Variants in SORCS2 observed in about 807,000 individuals in gnomAD.
SORCS2 encodes sortilin related VPS10 domain containing receptor 2, also known as VPS10 domain-containing receptor SorCS2.
In SORCS2, 100 loss-of-function variants were observed where a neutral mutation model predicts 141.6. The observed-to-expected ratio is 0.71, with a 90% confidence interval of 0.60 to 0.83. The LOEUF (loss-of-function observed/expected upper bound fraction) is 0.83. Ranked by LOEUF, SORCS2 falls within the 40% of genes least tolerant of loss-of-function variation. The pLI is 0.00. For missense variants in SORCS2, 1,646 were observed against 1,560.2 expected (o/e 1.05, Z -0.93); for synonymous variants, 789 against 676.9 (o/e 1.17, Z -2.57).
chr4:7,331,477 G>A (rs564315666), intron 1 of SORCS2, among the ~76,000 whole-genome samples: 7 of 152,238 alleles, frequency 4.6e-5, no homozygotes, highest in African/African-American at 1.2e-4. Context: ...TACGGACTGC[G>A]GTCCCCTAAG....
chr4:7,628,489 A>T (rs1187751988), intron 3 of SORCS2, among the ~76,000 whole-genome samples: 1 of 150,000 alleles, frequency 6.7e-6, no homozygotes, highest in Non-Finnish European at 1.5e-5. Context: ...ACTGCACTCC[A>T]GCCTGGGCAA....
At chr4:7,603,184 G>A (rs1006689342) in intron 3 of SORCS2, among the ~76,000 whole-genome samples, 34 of 151,930 alleles carry the variant, frequency 2.2e-4, no homozygotes, top group African/African-American at 7.5e-4. Flanking sequence ...GAAAGAGAGG[G>A]GGAGGGGGAG....
In SORCS2 at chr4:7,715,207, C is replaced by A; in HGVS notation, c.2148C>A (p.Ser716=). Residue 716 remains serine, a synonymous_variant, in exon 17 of 27, where the codon TCC becomes TCA. Coordinates refer to ENST00000507866, the MANE Select transcript of SORCS2 (RefSeq NM_020777.3). The part of the protein sequence containing the change: ...FLCDYGFERS[S]SSESSTNKCS... ...GCGACTACGGATTTGAGCGCTCCTC[C>A]TCCTCAGAGTCCAGCACCAACAAGT... 6.2e-7 allele frequency: 1 copy of A among 1,613,938 alleles called. No individual in the cohort carries two copies. Among genetic ancestry groups the A allele is most frequent in the Non-Finnish European group, 8.5e-7 (1 of 1,179,786 alleles).
At chr4:7,302,961 G>A (rs987695931) in intron 1 of SORCS2, among the ~76,000 whole-genome samples, 3 of 152,148 alleles carry the variant, frequency 2.0e-5, no homozygotes, top group African/African-American at 7.2e-5. Context: ...GCTGCGTGGG[G>A]GCCGCAGCCA....
intron 1 of SORCS2, among the ~76,000 whole-genome samples, chr4:7,252,157 C>G (rs1183278393): frequency 1.3e-5 from 2 of 152,244 alleles, no homozygotes; most frequent in Non-Finnish European, 2.9e-5. Context: ...GAGATACTAC[C>G]TGGCATCTGG....
At chr4:7,290,499 A>G (rs1221772149) in intron 1 of SORCS2, among the ~76,000 whole-genome samples, 1 of 152,106 alleles carries the variant, frequency 6.6e-6, no homozygotes, top group African/African-American at 2.4e-5. Context: ...CATGCTGCCA[A>G]CAGAATCCTC....
chr4:7,207,774 C>T (rs1727832066), intron 1 of SORCS2, among the ~76,000 whole-genome samples: 1 of 152,100 alleles, frequency 6.6e-6, no homozygotes, highest in Non-Finnish European at 1.5e-5. Context: ...CAAAGCCCAG[C>T]ATATTTCATG....
chr4:7,323,504 C>A (rs1489454957), intron 1 of SORCS2, among the ~76,000 whole-genome samples: 1 of 152,306 alleles, frequency 6.6e-6, no homozygotes, highest in Admixed American at 6.5e-5. Flanking sequence ...ACACCCATGG[C>A]TCTGAGGGGG....
chr4:7,309,546 G>A (rs1254850357), intron 1 of SORCS2, among the ~76,000 whole-genome samples: 3 of 152,182 alleles, frequency 2.0e-5, no homozygotes, highest in Non-Finnish European at 1.5e-5. Flanking sequence ...AAATGGAGGA[G>A]TGAGAACCTG....
At chr4:7,217,200 C>T (rs546120186) in intron 1 of SORCS2, among the ~76,000 whole-genome samples, 4 of 152,300 alleles carry the variant, frequency 2.6e-5, no homozygotes, top group African/African-American at 2.4e-5. Context: ...CAGGTTCCTC[C>T]GCCCGGCCTG....
At chr4:7,677,684 T>G (rs373184230) in intron 9 of SORCS2, among the ~76,000 whole-genome samples, 6 of 152,178 alleles carry the variant, frequency 3.9e-5, no homozygotes, top group East Asian at 1.9e-4. Context: ...CATCCCTCCC[T>G]TGACAGCAGC....
intron 1 of SORCS2, among the ~76,000 whole-genome samples, chr4:7,218,920 C>T (rs904979): frequency 0.27 from 40,729 of 152,028 alleles, 6,011 homozygotes; most frequent in East Asian, 0.45. Context: ...GCACTGCCCG[C>T]AGGCACTCTG....
intron 3 of SORCS2, among the ~76,000 whole-genome samples, chr4:7,578,759 T>G (rs1367785326): frequency 1.3e-5 from 2 of 152,218 alleles, no homozygotes; most frequent in African/African-American, 4.8e-5. Context: ...GGGACTCAGT[T>G]TCCCCATCTG....
chr4:7,606,468 A>C (rs75512803), intron 3 of SORCS2, among the ~76,000 whole-genome samples: 2,746 of 152,204 alleles, frequency 0.018, 39 homozygotes, highest in Middle Eastern at 0.034. Flanking sequence ...TTTCTGCTGC[A>C]AACGGTCACC....
intron 3 of SORCS2, among the ~76,000 whole-genome samples, chr4:7,621,471 GTGTC>G (rs1274597783): frequency 4.0e-5 from 6 of 151,336 alleles, no homozygotes; most frequent in Admixed American, 1.3e-4. Flanking sequence ...GTTTATGTGT[GTGTC>G]TGTGTGTGTT....
intron 2 of SORCS2, among the ~76,000 whole-genome samples, chr4:7,403,961 G>GTGTATATATATATATATATATA (rs1260939310): frequency 1.0e-4 from 3 of 29,888 alleles, no homozygotes; most frequent in Admixed American, 3.9e-4. Flanking sequence ...CTCCATGTGT[G>GTGTATATATATATATATATATA]TATATATATA....
chr4:7,255,587 T>C (rs1713800798), intron 1 of SORCS2, among the ~76,000 whole-genome samples: 1 of 152,138 alleles, frequency 6.6e-6, no homozygotes, highest in South Asian at 2.1e-4. Context: ...GAGACAGGCC[T>C]GAGTTCCGGG....
Position 7,599,362 on chromosome 4 carries a change from C to G in SORCS2, c.649-38966C>G, listed in dbSNP as rs574923245. Among the ~76,000 whole-genome samples, 12 of 152,310 alleles carry G rather than the reference C, an allele frequency of 7.9e-5. No homozygotes were observed. In the South Asian group the frequency reaches 2.5e-3, roughly 32 times the overall value. On this transcript the variant is annotated intron_variant, in intron 3 of 26. Coordinates refer to ENST00000507866, the MANE Select transcript of SORCS2 (RefSeq NM_020777.3). ...TGCCAGGCACTTGGCACGGGTGCTT[C>G]TCTGCAGCCTCAGAAACAGCACCGT...
At position 7,347,302 on chromosome 4, in the gene SORCS2, T is replaced by C. The variant is rs187498230; in HGVS notation, c.481-48986T>C. ...CTCATATGTTGTTATTGTCCACCTG[T>C]TTCTCTGCAAGCATTCTCCTTGGCA... On this transcript the variant is annotated intron_variant, in intron 1 of 26. Transcript: ENST00000507866. 9.2e-5 allele frequency among the ~76,000 whole-genome samples: 14 copies of C among 152,334 alleles called. No homozygotes were observed. The East Asian group carries it at 2.7e-3, about 29-fold the overall frequency.
Sources: gnomAD v4.1 joint callset for allele counts (sites outside exome capture counted in the v4.1 genomes callset) on GRCh38, gnomAD v4.1.1 for gene constraint, MANE v1.5 for transcripts, NCBI Gene and HGNC (gene_info 2026-07-23, HGNC 2026-07-21) for gene names.